Variants in CAD observed in about 807,000 individuals in gnomAD.
CAD encodes the protein carbamoyl-phosphate synthetase 2, aspartate transcarbamylase, and dihydroorotase.
A neutral mutation model predicts 237.2 loss-of-function variants in CAD; 81 were observed. That is an observed-to-expected ratio of 0.34 (90% CI 0.29 to 0.41). CAD has a LOEUF of 0.41. CAD is among the 10% of genes least tolerant of loss of function. CAD has a pLI of 1.00. For synonymous variants in CAD, 1,196 were observed against 1,162.8 expected, an observed-to-expected ratio of 1.03 and a Z score of -0.58; for missense variants, 2,181 against 2,951.7, an observed-to-expected ratio of 0.74 and a Z score of 6.05.
chr2:27,220,557 G>A lies in CAD; in HGVS notation c.223-661G>A, dbSNP rs550614235. 3.9e-5 allele frequency among the ~76,000 whole-genome samples: 6 copies of A among 152,062 alleles called. No homozygotes were observed. The South Asian group carries it at 1.0e-3, about 26-fold the overall frequency. On this transcript the variant is annotated intron_variant, in intron 2 of 43. Coordinates refer to ENST00000264705, the MANE Select transcript of CAD (RefSeq NM_004341.5). ...CCCAACTACTCAGGAGTCTGAGGTGGGAGAATCACTTGAGCCCAGGAGATT... is the reference window on the plus strand; with the variant it reads ...CCCAACTACTCAGGAGTCTGAGGTGAGAGAATCACTTGAGCCCAGGAGATT...
In CAD at chr2:27,239,137, G is replaced by A. The variant is rs749076924; in HGVS notation, c.5158G>A (p.Glu1720Lys). The change falls in exon 32 of 44, where the codon GAG (glutamate) becomes AAG (lysine). Residue 1720 changes from glutamate to lysine, a missense_variant. Glu to Lys is a moderately conservative substitution (Grantham distance 56). Around this residue, in one of 12 missense-constraint regions of CAD, gnomAD observed 478 missense variants for 515.0 expected, o/e 0.93. Coordinates refer to ENST00000264705, the MANE Select transcript of CAD (RefSeq NM_004341.5). This position sits in a 1 kb window ranked among gnomAD's most constrained non-coding sequence, Gnocchi z 4.0. Reference sequence around the variant, plus strand: ...GCCACTACTCCTGACGGCTGTAAGCGAGGGCCGGCTCAGCCTGGACGACCT... The same window carrying A: ...GCCACTACTCCTGACGGCTGTAAGCAAGGGCCGGCTCAGCCTGGACGACCT... Reference protein sequence around the residue: ...MLPLLLTAVSEGRLSLDDLLQ... With the variant: ...MLPLLLTAVSKGRLSLDDLLQ... 30 of 1,613,522 alleles carry A rather than the reference G, an allele frequency of 1.9e-5. No homozygotes were observed. The Admixed American group carries it at 3.0e-4, about 16-fold the overall frequency.
Position 27,233,462 on chromosome 2 carries a change from C to G in CAD, c.3142C>G (p.Arg1048Gly). Residue 1048 changes from arginine to glycine, a missense_variant, in exon 20 of 44, where the codon CGT (arginine) becomes GGT (glycine). By Grantham distance (125) the Arg-to-Gly change is moderately radical. Coordinates refer to ENST00000264705, the MANE Select transcript of CAD (RefSeq NM_004341.5). This position sits in a 1 kb window ranked among gnomAD's most constrained non-coding sequence, Gnocchi z 6.3. ...SPEAIDSAEN[R>G]FKFSRLLDTI... ...TGAAGCCATTGACTCGGCTGAGAAC[C>G]GTTTCAAGTTTTCCCGGCTCCTTGA... 1 of 1,614,226 alleles carries G rather than the reference C, an allele frequency of 6.2e-7. No individual in the cohort carries two copies. The highest frequency in any genetic ancestry group is 8.5e-7 in the Non-Finnish European group (1 of 1,180,038).
intron 2 of CAD, among the ~76,000 whole-genome samples, chr2:27,218,805 C>G (rs1269195476): frequency 6.6e-6 from 1 of 152,170 alleles, no homozygotes; most frequent in African/African-American, 2.4e-5. Flanking sequence ...GGAAGTCAAT[C>G]TGGCCTAGAG....
Position 27,236,632 on chromosome 2 carries a change from C to T in CAD, c.4314+109C>T. The T allele has an allele frequency of 6.4e-7, 1 of 1,554,256 alleles. No individual in the cohort carries two copies. Among genetic ancestry groups the T allele is most frequent in the Non-Finnish European group, 8.8e-7 (1 of 1,131,276 alleles). Reference sequence around the variant, plus strand: ...TGCTAGTAATAAAGCTTTGTGGCTACAGAGGGAGAGATGGTGGGTATAGAG... The same window carrying T: ...TGCTAGTAATAAAGCTTTGTGGCTATAGAGGGAGAGATGGTGGGTATAGAG... On this transcript the variant is annotated intron_variant, in intron 26 of 43. Coordinates refer to ENST00000264705, the MANE Select transcript of CAD (RefSeq NM_004341.5). The surrounding 1 kb of genome is among the most constrained non-coding windows in gnomAD (Gnocchi z 4.1).
At chr2:27,218,319 G>T (rs1478057731) in intron 2 of CAD, among the ~76,000 whole-genome samples, 1 of 152,186 alleles carries the variant, frequency 6.6e-6, no homozygotes, top group African/African-American at 2.4e-5. Flanking sequence ...AGTAAAAGAG[G>T]TGTAAGGGAA....
chr2:27,230,288 G>A (rs950867905), intron 15 of CAD, among the ~76,000 whole-genome samples: 3 of 152,082 alleles, frequency 2.0e-5, no homozygotes, highest in African/African-American at 7.2e-5. Context: ...GTGGGAAAAT[G>A]TATGATGAGG....
chr2:27,236,043 G>C lies in CAD; in HGVS notation c.4075-241G>C, dbSNP rs1160929079. Among the ~76,000 whole-genome samples the C allele has an allele frequency of 6.6e-6, 1 of 152,140 alleles. No homozygotes were observed. The highest frequency in any genetic ancestry group is 1.5e-5 in the Non-Finnish European group (1 of 68,020). ...TATTTTTCCTTCCAGGATTTTCTCTGTGTACATGTGTGTGAGCTCATACTG... is the reference window on the plus strand; with the variant it reads ...TATTTTTCCTTCCAGGATTTTCTCTCTGTACATGTGTGTGAGCTCATACTG... On this transcript the variant is annotated intron_variant, in intron 25 of 43. Coordinates refer to ENST00000264705, the MANE Select transcript of CAD (RefSeq NM_004341.5). The surrounding 1 kb of genome is among the most constrained non-coding windows in gnomAD (Gnocchi z 4.1).
chr2:27,221,097 G>A (rs1299888448), intron 2 of CAD, 121 bp from the exon 3 acceptor site: 1 of 716,748 alleles, frequency 1.4e-6, no homozygotes, highest in Non-Finnish European at 2.1e-6. Flanking sequence ...AGCACCAAAA[G>A]TTTGGTATAT....
chr2:27,242,269 C>T lies in CAD; in HGVS notation c.6097-33C>T. 6.3e-7 allele frequency: 1 copy of T among 1,594,050 alleles called. No homozygotes were observed. The highest frequency in any genetic ancestry group is 8.6e-7 in the Non-Finnish European group (1 of 1,166,898). On this transcript the variant is annotated intron_variant, in intron 39 of 43. Coordinates refer to ENST00000264705, the MANE Select transcript of CAD (RefSeq NM_004341.5). The surrounding 1 kb of genome is among the most constrained non-coding windows in gnomAD (Gnocchi z 6.4). ...GACTGGCAGTTGGGGGGCCTCTGAGCTGCAAAAGACAGGATTTTCCCCTTT... is the reference window on the plus strand; with the variant it reads ...GACTGGCAGTTGGGGGGCCTCTGAGTTGCAAAAGACAGGATTTTCCCCTTT...
At position 27,242,997 on chromosome 2, in the gene CAD, AGCCAGG is replaced by A; in HGVS notation, c.6480+27_6480+32del. The A allele has an allele frequency of 6.4e-7, 1 of 1,562,866 alleles. No individual in the cohort carries two copies. The highest frequency in any genetic ancestry group is 8.8e-7 in the Non-Finnish European group (1 of 1,142,844). On this transcript the variant is annotated intron_variant, in intron 42 of 43. Transcript: ENST00000264705. The surrounding 1 kb of genome is among the most constrained non-coding windows in gnomAD (Gnocchi z 6.4). ...CTGTGAGTGCTGGGCTTGAGGAAGA[AGCCAGG>A]GCTGCTGCCGTAGGGCATCAGATAT...
Position 27,226,287 on chromosome 2 carries a change from G to A in CAD, c.1999G>A (p.Val667Met), listed in dbSNP as rs749153658. 6.2e-7 allele frequency: 1 copy of A among 1,614,210 alleles called. No homozygotes were observed. The highest frequency in any genetic ancestry group is 8.5e-7 in the Non-Finnish European group (1 of 1,180,030). Reference protein sequence around the residue: ...QHLGIVGECNVQYALNPESEQ... With the variant: ...QHLGIVGECNMQYALNPESEQ... ...CCTGGGAATTGTTGGGGAGTGCAAT[G>A]TGCAGTATGCCTTGAACCCTGAGTC... Residue 667 changes from valine to methionine, a missense_variant, in exon 13 of 44, where the codon GTG becomes ATG. Around this residue, in one of 12 missense-constraint regions of CAD, gnomAD observed 385 missense variants for 535.1 expected, o/e 0.72. Transcript: ENST00000264705.
chr2:27,218,111 C>T (rs1187976911), intron 2 of CAD, 95 bp downstream of exon 2: 3 of 1,085,666 alleles, frequency 2.8e-6, no homozygotes, highest in African/African-American at 3.3e-5. Context: ...GCTGGGCATC[C>T]TGCAGAAAAC....
In CAD at chr2:27,240,961, A is replaced by T; in HGVS notation, c.5638+6A>T. ...TCGGAAGGTAGCCGAGCCAGGTGAGACTCCACCCTGACACACACTCACCTC... is the reference window on the plus strand; with the variant it reads ...TCGGAAGGTAGCCGAGCCAGGTGAGTCTCCACCCTGACACACACTCACCTC... On this transcript the variant is annotated splice_donor_region_variant and intron_variant, in intron 36 of 43. Coordinates refer to ENST00000264705, the MANE Select transcript of CAD (RefSeq NM_004341.5). This position sits in a 1 kb window ranked among gnomAD's most constrained non-coding sequence, Gnocchi z 4.6. 5 of 1,612,820 alleles carry T rather than the reference A, an allele frequency of 3.1e-6. No homozygotes were observed. Among genetic ancestry groups the T allele is most frequent in the Non-Finnish European group, 4.2e-6 (5 of 1,179,590 alleles).
chr2:27,243,328 C>G lies in CAD; in HGVS notation c.6575+36C>G, dbSNP rs112312126. ...ATCAGAGTCAGAGACTGCCTCGGGG[C>G]TGGTGGACGGGAGGAGACTTAGTCC... On this transcript the variant is annotated intron_variant, in intron 43 of 43. Transcript: ENST00000264705. The G allele has an allele frequency of 5.3e-3, 8,529 of 1,608,900 alleles. 35 individuals are homozygous for G. The highest frequency in any genetic ancestry group is 6.3e-3 in the Non-Finnish European group (7,394 of 1,176,926).
chr2:27,240,454 C>T lies in CAD; in HGVS notation c.5593+93C>T. On this transcript the variant is annotated intron_variant, in intron 35 of 43. Coordinates refer to ENST00000264705, the MANE Select transcript of CAD (RefSeq NM_004341.5). The surrounding 1 kb of genome is among the most constrained non-coding windows in gnomAD (Gnocchi z 4.6). ...CCTTTCTCTACTTACATGTCCTCCT[C>T]TCCATCCCTTTATCCTCGTCTGATC... 1 of 1,479,434 alleles carries T rather than the reference C, an allele frequency of 6.8e-7. No individual in the cohort carries two copies. The highest frequency in any genetic ancestry group is 1.1e-5 in the South Asian group (1 of 87,922). 91.6% of individuals were successfully genotyped at this position (1,479,434 alleles called of 1,614,324 possible).
intron 8 of CAD, 124 bp from the exon 9 acceptor site, chr2:27,224,221 T>C (rs1675322191): frequency 6.4e-6 from 7 of 1,090,598 alleles, no homozygotes; most frequent in Non-Finnish European, 9.4e-6. Flanking sequence ...GTTCTGGTCC[T>C]CCCTCTGCTC....
Position 27,232,115 on chromosome 2 carries a change from C to T in CAD, c.2536C>T (p.His846Tyr), listed in dbSNP as rs1012028614. 1 of 1,614,280 alleles carries T rather than the reference C, an allele frequency of 6.2e-7. No homozygotes were observed. The highest frequency in any genetic ancestry group is 2.2e-5 in the East Asian group (1 of 44,894). Reference sequence around the variant, plus strand: ...GCACCGAATGAAGCGTATCATCGCACATGCCCAGCTGCTAGAACAACACCG... The same window carrying T: ...GCACCGAATGAAGCGTATCATCGCATATGCCCAGCTGCTAGAACAACACCG... ...FLHRMKRIIA[H>Y]AQLLEQHRGQ... is the part of the protein sequence containing the mutation. Residue 846 changes from histidine (H) to tyrosine (Y), a missense_variant, in exon 17 of 44, where the codon CAT (histidine) becomes TAT (tyrosine). His to Tyr is a moderately conservative substitution (Grantham distance 83). This residue lies in a region of CAD where 385 missense variants were observed against 535.1 expected (regional missense o/e 0.72). Coordinates refer to ENST00000264705, the MANE Select transcript of CAD (RefSeq NM_004341.5). The surrounding 1 kb of genome is among the most constrained non-coding windows in gnomAD (Gnocchi z 4.1).
rs1345778851 is a variant in CAD at position 27,241,493 on chromosome 2, C to G, written c.5883+97C>G. The G allele has an allele frequency of 6.2e-6, 7 of 1,124,000 alleles. No individual in the cohort carries two copies. The highest frequency in any genetic ancestry group is 6.1e-5 in the African/African-American group (4 of 65,212). 69.6% of individuals were successfully genotyped at this position (1,124,000 alleles called of 1,614,324 possible). A position where few individuals can be genotyped will look rare whatever the true frequency, so the allele number is the denominator to read the frequency against. On this transcript the variant is annotated intron_variant, in intron 38 of 43. Transcript: ENST00000264705. The surrounding 1 kb of genome is among the most constrained non-coding windows in gnomAD (Gnocchi z 4.6). ...AGTGGTCAGAGTGGGTCTTCCTCCC[C>G]CTGCCATCCCGTCCCCTTATGCTAG...
chr2:27,217,790 A>T (rs1283206995), intron 1 of CAD, 87 bp from the exon 2 acceptor site: 2 of 1,492,354 alleles, frequency 1.3e-6, no homozygotes, highest in East Asian at 4.7e-5. Context: ...CTCGCGACCA[A>T]GGCAGCCTCC....
Sources: gnomAD v4.1 joint callset for allele counts (sites outside exome capture counted in the v4.1 genomes callset) on GRCh38, gnomAD v4.1.1 for gene constraint, gnomAD v4.1.1 regional missense constraint, Gnocchi (gnomAD v3.1) non-coding constraint, MANE v1.5 for transcripts, NCBI Gene and HGNC (gene_info 2026-07-23, HGNC 2026-07-21) for gene names.